Variants in CFAP263 observed in about 807,000 individuals in gnomAD.
CFAP263 encodes cilia- and flagella-associated protein 263.
At chr16:58,250,396 G>T in the CFAP263 span, 6 of 358,850 alleles carry the variant, frequency 1.7e-5, no homozygotes, top group African/African-American at 6.5e-5. Flanking sequence ...ATGCCAGACG[G>T]TGTGCTTAGC....
the CFAP263 span, among the ~76,000 whole-genome samples, chr16:58,266,389 ATATATATATATATATATTTTT>A: frequency 3.2e-5 from 1 of 30,876 alleles, no homozygotes; most frequent in Non-Finnish European, 6.3e-5. Context: ...ATATATATAT[ATATATATATATATATATTTTT>A]TTTTTTTTTT....
the CFAP263 span, among the ~76,000 whole-genome samples, chr16:58,270,000 T>G: frequency 2.6e-5 from 4 of 152,256 alleles, no homozygotes; most frequent in African/African-American, 9.6e-5. Flanking sequence ...ATCTTTGTTA[T>G]TCTCAGTTTT....
chr16:58,257,018 T>C, the CFAP263 span, among the ~76,000 whole-genome samples: 2 of 27,042 alleles, frequency 7.4e-5, no homozygotes, highest in African/African-American at 2.6e-4. Context: ...GAATTTCTTT[T>C]TTTTTTTTTT....
the CFAP263 span, among the ~76,000 whole-genome samples, chr16:58,255,842 C>T: frequency 2.0e-5 from 3 of 152,148 alleles, no homozygotes; most frequent in African/African-American, 4.8e-5. Context: ...GGATTACAGG[C>T]GTGAGCCATC....
At chr16:58,258,444 A>G in the CFAP263 span, 176 of 1,613,878 alleles carry the variant, frequency 1.1e-4, no homozygotes, top group Non-Finnish European at 1.4e-4. Flanking sequence ...GATATTCTAA[A>G]AGCCATATCC....
chr16:58,279,286 T>G, the CFAP263 span, among the ~76,000 whole-genome samples: 111,477 of 152,048 alleles, frequency 0.73, 41,755 homozygotes, highest in African/African-American at 0.89. Context: ...GGAAAACTGG[T>G]ACCTTGGCGT....
the CFAP263 span, among the ~76,000 whole-genome samples, chr16:58,257,378 TAAC>T: frequency 6.6e-6 from 1 of 152,190 alleles, no homozygotes; most frequent in Non-Finnish European, 1.5e-5. Context: ...ATTTTTCACT[TAAC>T]AACATCTCTT....
chr16:58,280,174 G>A, the CFAP263 span: 1 of 1,536,058 alleles, frequency 6.5e-7, no homozygotes, highest in Non-Finnish European at 8.8e-7. Context: ...TGAATGCCTG[G>A]CACTCAGCAT....
chr16:58,280,523 T>C, the CFAP263 span: 2 of 1,614,192 alleles, frequency 1.2e-6, no homozygotes, highest in East Asian at 4.5e-5. Flanking sequence ...GTCTTCTGTG[T>C]CATGGTGGCA....
chr16:58,278,499 G>T, the CFAP263 span: 18 of 1,614,144 alleles, frequency 1.1e-5, no homozygotes, highest in Non-Finnish European at 1.5e-5. Flanking sequence ...CCAAAGCCGA[G>T]GCAGTGAATA....
At chr16:58,257,625 T>C in the CFAP263 span, among the ~76,000 whole-genome samples, 2 of 151,062 alleles carry the variant, frequency 1.3e-5, no homozygotes, top group African/African-American at 4.9e-5. Flanking sequence ...TTTCCATTTT[T>C]CCCCCCAATA....
At chr16:58,266,609 G>A in the CFAP263 span, among the ~76,000 whole-genome samples, 1 of 151,646 alleles carries the variant, frequency 6.6e-6, no homozygotes, top group Admixed American at 6.6e-5. Context: ...TGCAGGGACT[G>A]GTGCCTGGTG....
chr16:58,253,015 A>G, the CFAP263 span, among the ~76,000 whole-genome samples: 3 of 152,132 alleles, frequency 2.0e-5, no homozygotes, highest in African/African-American at 4.8e-5. Flanking sequence ...TTTCTCTTTC[A>G]AGTGACTGTG....
chr16:58,279,529 C>A, the CFAP263 span, among the ~76,000 whole-genome samples: 1 of 152,140 alleles, frequency 6.6e-6, no homozygotes, highest in South Asian at 2.1e-4. Flanking sequence ...CCCTACACAG[C>A]AGCATGCATG....
the CFAP263 span, chr16:58,281,147 G>T: frequency 0.1 from 19,549 of 187,774 alleles, 1,082 homozygotes; most frequent in Admixed American, 0.13. Flanking sequence ...AACCCTTAGT[G>T]TAAGCCACTT....
the CFAP263 span, among the ~76,000 whole-genome samples, chr16:58,270,455 G>C: frequency 4.6e-4 from 69 of 151,488 alleles, no homozygotes; most frequent in African/African-American, 1.5e-3. Flanking sequence ...AATGTGTATT[G>C]TTTTTGCACT....
At chr16:58,255,061 G>A in the CFAP263 span, among the ~76,000 whole-genome samples, 1 of 152,144 alleles carries the variant, frequency 6.6e-6, no homozygotes, top group Non-Finnish European at 1.5e-5. Flanking sequence ...CCACGCAATC[G>A]ATCGGCTGTC....
the CFAP263 span, among the ~76,000 whole-genome samples, chr16:58,261,225 C>T: frequency 4.6e-5 from 7 of 152,168 alleles, no homozygotes; most frequent in Non-Finnish European, 2.9e-5. Context: ...GTGCTCAGGG[C>T]TGCAGCAGGA....
the CFAP263 span, chr16:58,262,541 G>T: frequency 1.3e-6 from 2 of 1,597,790 alleles, no homozygotes; most frequent in Non-Finnish European, 1.7e-6. Flanking sequence ...TGCCTACAAA[G>T]TAAGGCCATC....
Sources: allele counts gnomAD v4.1 joint callset (sites outside exome capture counted in the v4.1 genomes callset), GRCh38; gene constraint gnomAD v4.1.1; transcripts MANE v1.5; gene names NCBI Gene and HGNC (gene_info 2026-07-23, HGNC 2026-07-21).